Variants in ATL2 observed in about 807,000 individuals in gnomAD.
ATL2 encodes atlastin GTPase 2, also known as atlastin-2.
A neutral mutation model predicts 73.9 loss-of-function variants in ATL2; 31 were observed. The observed-to-expected ratio is 0.42, with a 90% confidence interval of 0.32 to 0.57. ATL2 has a LOEUF of 0.57. Ranked by LOEUF, ATL2 falls within the 20% of genes least tolerant of loss-of-function variation. The probability of loss-of-function intolerance (pLI) is 0.14; values close to 1 mark genes in which losing one functional copy is unlikely to be tolerated. For missense variants in ATL2, 738 were observed against 702.6 expected, an observed-to-expected ratio of 1.05 and a Z score of -0.57; for synonymous variants, 291 against 237.5, an observed-to-expected ratio of 1.23 and a Z score of -2.07.
At chr2:38,296,468 G>A (rs1163539681) in intron 12 of ATL2, 1 of 1,597,502 alleles carries the variant, frequency 6.3e-7, no homozygotes, top group Non-Finnish European at 8.5e-7. Context: ...TAGAGAAAAA[G>A]GTTAAAAATA....
chr2:38,352,110 C>T (rs1288890573), intron 1 of ATL2, among the ~76,000 whole-genome samples: 17 of 21,788 alleles, frequency 7.8e-4, no homozygotes, highest in African/African-American at 2.2e-3. Context: ...AACTCTGTTT[C>T]AAAAACAAAC....
intron 2 of ATL2, among the ~76,000 whole-genome samples, chr2:38,328,585 G>A (rs889269547): frequency 1.3e-5 from 2 of 151,930 alleles, no homozygotes; most frequent in Non-Finnish European, 2.9e-5. Flanking sequence ...AAATGACACA[G>A]GAGTCAAGGA....
chr2:38,313,365 T>C, intron 6 of ATL2, 122 bp from the exon 7 acceptor site: 1 of 696,660 alleles, frequency 1.4e-6, no homozygotes. Flanking sequence ...AAAGTTATAG[T>C]AACTAAATGG....
At chr2:38,356,766 A>G (rs1475209873) in intron 1 of ATL2, among the ~76,000 whole-genome samples, 1 of 152,234 alleles carries the variant, frequency 6.6e-6, no homozygotes, top group Non-Finnish European at 1.5e-5. Context: ...TAAGTTCTTC[A>G]GTCACACCAT....
chr2:38,370,069 G>C (rs1042683762), intron 1 of ATL2, among the ~76,000 whole-genome samples: 2 of 138,954 alleles, frequency 1.4e-5, no homozygotes, highest in Admixed American at 7.2e-5. Flanking sequence ...CAGAAGAATG[G>C]CGTGAACCCC....
At chr2:38,374,183 C>G (rs560377478) in intron 1 of ATL2, among the ~76,000 whole-genome samples, 1 of 152,200 alleles carries the variant, frequency 6.6e-6, no homozygotes, top group South Asian at 2.1e-4. Flanking sequence ...TGAGCCACCG[C>G]ACTCAGCCTG....
intron 1 of ATL2, among the ~76,000 whole-genome samples, chr2:38,348,721 C>T (rs2124428183): frequency 6.6e-6 from 1 of 151,214 alleles, no homozygotes; most frequent in African/African-American, 2.4e-5. Flanking sequence ...AAACTACCAT[C>T]AGAGTGAACA....
At chr2:38,320,020 A>G (rs1668232907) in intron 2 of ATL2, among the ~76,000 whole-genome samples, 1 of 152,078 alleles carries the variant, frequency 6.6e-6, no homozygotes, top group Non-Finnish European at 1.5e-5. Flanking sequence ...AGGCAAGAGA[A>G]TCACTTGAAC....
Position 38,358,616 on chromosome 2 carries a change from C to T in ATL2, c.119-15104G>A, listed in dbSNP as rs182822184. 5.3e-4 allele frequency: 135 copies of T among 253,706 alleles called. 2 individuals are homozygous for T. Among genetic ancestry groups the T allele is most frequent in the African/African-American group, 3.0e-3 (131 of 42,982 alleles). The allele number at this position is 253,706 out of a possible 1,614,324, so 15.7% of individuals were successfully genotyped here. On this transcript the variant is annotated intron_variant, in intron 1 of 12. Coordinates refer to ENST00000378954, the MANE Select transcript of ATL2 (RefSeq NM_001135673.4). The stretch of plus-strand genomic sequence containing the variant: ...CTGAGGCCGGAGAATGGCGTGGACC[C>T]AAGAGGCGGAGCTTGCAGTGAGCCG...
chr2:38,341,186 C>T (rs1669694316), intron 2 of ATL2, among the ~76,000 whole-genome samples: 2 of 152,190 alleles, frequency 1.3e-5, no homozygotes, highest in African/African-American at 4.8e-5. Flanking sequence ...AGCTTAGACA[C>T]AGATAGATAC....
At chr2:38,374,672 C>T (rs1208304017) in intron 1 of ATL2, among the ~76,000 whole-genome samples, 1 of 152,154 alleles carries the variant, frequency 6.6e-6, no homozygotes, top group Non-Finnish European at 1.5e-5. Context: ...GCTATGAAGT[C>T]CCAAAATTTA....
intron 6 of ATL2, among the ~76,000 whole-genome samples, chr2:38,314,149 T>C (rs1328549896): frequency 2.6e-5 from 4 of 152,178 alleles, no homozygotes; most frequent in Non-Finnish European, 5.9e-5. Flanking sequence ...ACAGTATTAA[T>C]GGCAACTTAC....
At chr2:38,339,122 G>C in intron 2 of ATL2, among the ~76,000 whole-genome samples, 2 of 152,124 alleles carry the variant, frequency 1.3e-5, no homozygotes, top group South Asian at 4.2e-4. Flanking sequence ...AGGCTGAGGC[G>C]AGATAATCGC....
intron 1 of ATL2, among the ~76,000 whole-genome samples, chr2:38,355,158 C>T (rs1670584988): frequency 6.6e-6 from 1 of 152,134 alleles, no homozygotes; most frequent in Non-Finnish European, 1.5e-5. Flanking sequence ...TGGAGTTTCG[C>T]TCTTGTTGCC....
intron 9 of ATL2, among the ~76,000 whole-genome samples, chr2:38,309,111 T>C (rs188719858): frequency 6.6e-6 from 1 of 152,150 alleles, no homozygotes; most frequent in African/African-American, 2.4e-5. Flanking sequence ...TAGAGTATGA[T>C]GAATGGCTTG....
chr2:38,324,702 G>A (rs1668501579), intron 2 of ATL2, among the ~76,000 whole-genome samples: 1 of 152,140 alleles, frequency 6.6e-6, no homozygotes, highest in Non-Finnish European at 1.5e-5. Context: ...TGCTGAAGAG[G>A]AATTTAACAT....
intron 9 of ATL2, 25 bp downstream of exon 9, chr2:38,309,354 C>T (rs1217673727): frequency 6.3e-7 from 1 of 1,580,890 alleles, no homozygotes; most frequent in Middle Eastern, 1.7e-4. Flanking sequence ...CTATCTTAGA[C>T]AAAACTGTTT....
At chr2:38,307,848 C>T (rs1667535617) in intron 9 of ATL2, among the ~76,000 whole-genome samples, 2 of 152,044 alleles carry the variant, frequency 1.3e-5, no homozygotes, top group East Asian at 1.9e-4. Context: ...AAATGGGATA[C>T]AGGATATGAA....
At position 38,316,506 on chromosome 2, in the gene ATL2, A is replaced by T. The variant is rs970514679; in HGVS notation, c.604-1172T>A. Among the ~76,000 whole-genome samples, 4 of 152,204 alleles carry T rather than the reference A, an allele frequency of 2.6e-5. No homozygotes were observed. The East Asian group carries it at 7.7e-4, about 29-fold the overall frequency. On this transcript the variant is annotated intron_variant, in intron 4 of 12. Coordinates refer to ENST00000378954, the MANE Select transcript of ATL2 (RefSeq NM_001135673.4). Reference sequence around the variant, plus strand: ...ATTTGTTGAAGGAATAAATGACAAGAAGATCAAATTATCATTTATCTATCA... The same window carrying T: ...ATTTGTTGAAGGAATAAATGACAAGTAGATCAAATTATCATTTATCTATCA...
Sources: allele counts gnomAD v4.1 joint callset (sites outside exome capture counted in the v4.1 genomes callset), GRCh38; gene constraint gnomAD v4.1.1; transcripts MANE v1.5; gene names NCBI Gene and HGNC (gene_info 2026-07-23, HGNC 2026-07-21).